The following PRKAR1B variants were observed in gnomAD, a reference collection of about 807,000 sequenced individuals.
PRKAR1B encodes protein kinase cAMP-dependent type I regulatory subunit beta, also known as cAMP-dependent protein kinase type I-beta regulatory subunit.
In PRKAR1B, 22 loss-of-function variants were observed where a neutral mutation model predicts 46.5. The ratio of observed to expected loss-of-function variants is 0.47; its 90% CI spans 0.34 to 0.68. The LOEUF is 0.68. Among genes scored for constraint, PRKAR1B ranks in the 30% least tolerant of loss-of-function variants. The pLI is 0.01. For synonymous variants in PRKAR1B, 259 were observed against 217.7 expected (o/e 1.19, Z -1.67); for missense variants, 445 against 535.6 (o/e 0.83, Z 1.67).
chr7:613,026 G>T (rs559325250), intron 4 of PRKAR1B, among the ~76,000 whole-genome samples: 1 of 152,164 alleles, frequency 6.6e-6, no homozygotes, highest in Non-Finnish European at 1.5e-5. Flanking sequence ...ACACCGTGTG[G>T]TCATTAAAAA....
At position 699,464 on chromosome 7, in the gene PRKAR1B, A is replaced by G. The variant is rs1023822453; in HGVS notation, c.177+11865T>C. Among the ~76,000 whole-genome samples, 2 of 152,126 alleles carry G rather than the reference A, an allele frequency of 1.3e-5. 1 individual carries two copies. Among genetic ancestry groups the G allele is most frequent in the South Asian group, 4.1e-4 (2 of 4,828 alleles). ...GTCACAGCTGGAGGAAGGAGTGGGC[A>G]GTTACCCCCTCAGTCCATCACACAC... On this transcript the variant is annotated intron_variant, in intron 2 of 10. Coordinates refer to ENST00000537384, the MANE Select transcript of PRKAR1B (RefSeq NM_001164760.2).
chr7:649,136 C>T (rs577379022), intron 4 of PRKAR1B, among the ~76,000 whole-genome samples: 16 of 152,162 alleles, frequency 1.1e-4, no homozygotes, highest in African/African-American at 2.6e-4. Flanking sequence ...TGCACTCCAG[C>T]CTGGGTGACA....
At position 606,195 on chromosome 7, in the gene PRKAR1B, C is replaced by G. The variant is rs761625232; in HGVS notation, c.547G>C (p.Asp183His). The G allele has an allele frequency of 1.9e-6, 3 of 1,613,952 alleles. No homozygotes were observed. In the South Asian group the frequency reaches 3.3e-5, roughly 18 times the overall value. ...NFYVVDQGEV[D>H]VYVNGEWVTN... ...AAAGACAAGTTAGCGACACTCACATCCACTTCCCCTTGATCAACGACATAG... is the reference window on the plus strand; with the variant it reads ...AAAGACAAGTTAGCGACACTCACATGCACTTCCCCTTGATCAACGACATAG... Residue 183 changes from aspartate (D) to histidine (H), a missense_variant and splice_region_variant, in exon 6 of 11, where the codon GAT becomes CAT. Transcript: ENST00000537384.
intron 1 of PRKAR1B, chr7:726,661 T>G (rs1393471826): frequency 1.7e-6 from 2 of 1,174,942 alleles, no homozygotes; most frequent in African/African-American, 3.2e-5. Context: ...AGTGCTGCCG[T>G]AATCTGCGCT....
Position 604,687 on chromosome 7 carries a change from G to A in PRKAR1B, c.549+1506C>T, listed in dbSNP as rs552903459. The stretch of plus-strand genomic sequence containing the variant: ...CAGCGCGATGGGGGACAGACTCCGC[G>A]GCTGCCACGGAAACAAATGAGTAAA... On this transcript the variant is annotated intron_variant, in intron 6 of 10. Coordinates refer to ENST00000537384, the MANE Select transcript of PRKAR1B (RefSeq NM_001164760.2). Among the ~76,000 whole-genome samples, 7 of 152,322 alleles carry A rather than the reference G, an allele frequency of 4.6e-5. 1 individual carries two copies. In the East Asian group the frequency reaches 9.7e-4, roughly 21 times the overall value.
chr7:669,413 G>A (rs1768286651), intron 4 of PRKAR1B, among the ~76,000 whole-genome samples: 1 of 152,178 alleles, frequency 6.6e-6, no homozygotes, highest in South Asian at 2.1e-4. Flanking sequence ...ACAAAGAGTG[G>A]TGATGGCAGC....
chr7:684,875 G>GACACATACAC (rs1554303010), intron 2 of PRKAR1B, among the ~76,000 whole-genome samples: 8 of 145,410 alleles, frequency 5.5e-5, no homozygotes, highest in African/African-American at 7.6e-5. Flanking sequence ...ACTTCACACA[G>GACACATACAC]ACACACACAC....
At chr7:684,039 G>A (rs1042648307) in intron 2 of PRKAR1B, among the ~76,000 whole-genome samples, 2 of 150,522 alleles carry the variant, frequency 1.3e-5, no homozygotes, top group African/African-American at 2.5e-5. Context: ...ACCTCCACAC[G>A]TGTGCTGATG....
intron 7 of PRKAR1B, among the ~76,000 whole-genome samples, chr7:587,630 C>A (rs989602963): frequency 6.6e-6 from 1 of 152,384 alleles, no homozygotes; most frequent in African/African-American, 2.4e-5. Context: ...AAATGAGGGA[C>A]CACCACACAG....
At chr7:694,128 C>CA (rs1243285772) in intron 2 of PRKAR1B, among the ~76,000 whole-genome samples, 3 of 152,008 alleles carry the variant, frequency 2.0e-5, no homozygotes, top group Non-Finnish European at 2.9e-5. Context: ...ACTAAAAATA[C>CA]AAAAAAATTA....
upstream of PRKAR1B, among the ~76,000 whole-genome samples, chr7:728,445 G>A (rs1259659412): frequency 6.6e-6 from 1 of 152,174 alleles, no homozygotes; most frequent in Non-Finnish European, 1.5e-5. Context: ...CAGCTGCGTG[G>A]AGAATAGATT....
chr7:647,406 G>GC (rs1486344580), intron 4 of PRKAR1B, among the ~76,000 whole-genome samples: 2 of 151,586 alleles, frequency 1.3e-5, no homozygotes, highest in African/African-American at 4.9e-5. Flanking sequence ...TCCCATCCAT[G>GC]CCCCCTCTAT....
At chr7:721,283 G>C (rs1781062550) in intron 1 of PRKAR1B, among the ~76,000 whole-genome samples, 1 of 152,186 alleles carries the variant, frequency 6.6e-6, no homozygotes. Context: ...GATGGTCAGT[G>C]ACATTGACTT....
chr7:693,424 C>T (rs1562345606), intron 2 of PRKAR1B, among the ~76,000 whole-genome samples: 2 of 151,934 alleles, frequency 1.3e-5, no homozygotes, highest in African/African-American at 4.8e-5. Flanking sequence ...CCCGCCCCAG[C>T]CCCCGACAGC....
intron 5 of PRKAR1B, 93 bp from the exon 6 acceptor site, chr7:606,332 A>G (rs1418658302): frequency 1.7e-6 from 2 of 1,156,148 alleles, no homozygotes. Context: ...ACACTGTTGC[A>G]GAGACCCTCG....
intron 7 of PRKAR1B, among the ~76,000 whole-genome samples, chr7:589,941 G>A (rs1206845584): frequency 6.6e-6 from 1 of 152,358 alleles, no homozygotes. Context: ...CCAAGCCCAC[G>A]GCCCTGTGAG....
At chr7:680,759 A>G (rs748650881) in intron 2 of PRKAR1B, 33 bp from the exon 3 acceptor site, 1 of 1,613,094 alleles carries the variant, frequency 6.2e-7, no homozygotes, top group East Asian at 2.2e-5. Flanking sequence ...GAAAGGAAGT[A>G]AGAACCTGGC....
intron 4 of PRKAR1B, among the ~76,000 whole-genome samples, chr7:642,093 G>T (rs966637067): frequency 2.0e-5 from 3 of 151,938 alleles, no homozygotes; most frequent in African/African-American, 7.3e-5. Flanking sequence ...ATCGGGTCTT[G>T]CTATGTTGGC....
At position 586,886 on chromosome 7, in the gene PRKAR1B, C is replaced by CTT. The variant is rs67760235; in HGVS notation, c.709-2320_709-2319dup. On this transcript the variant is annotated intron_variant, in intron 7 of 10. Coordinates refer to ENST00000537384, the MANE Select transcript of PRKAR1B (RefSeq NM_001164760.2). ...GAAGGAGGGTCATTTATCCCACCTT[C>CTT]TTTTTTTTTTTTTTTTTGAGACAGT... is the stretch of plus-strand genomic sequence containing the variant. Among the ~76,000 whole-genome samples the CTT allele has an allele frequency of 6.8e-3, 875 of 129,290 alleles. 10 individuals carry two copies. Among genetic ancestry groups the CTT allele is most frequent in the South Asian group, 0.021 (81 of 3,872 alleles). 84.8% of individuals were successfully genotyped at this position (129,290 alleles called of 152,430 possible).
Sources: gnomAD v4.1 joint callset for allele counts (sites outside exome capture counted in the v4.1 genomes callset) on GRCh38, gnomAD v4.1.1 for gene constraint, MANE v1.5 for transcripts, NCBI Gene and HGNC (gene_info 2026-07-23, HGNC 2026-07-21) for gene names.